Variants in CCAR1 observed in about 807,000 individuals in gnomAD.
The protein encoded by CCAR1 is cell division cycle and apoptosis regulator protein 1.
In CCAR1, 78 loss-of-function variants were observed where a neutral mutation model predicts 163.8. The observed-to-expected ratio is 0.48, with a 90% CI of 0.40 to 0.57. The LOEUF is 0.57. CCAR1 is among the 20% of genes least tolerant of loss of function. The pLI, the probability that CCAR1 is intolerant of heterozygous loss-of-function variation, is 0.00. For synonymous variants in CCAR1, 443 were observed against 460.7 expected, an observed-to-expected ratio of 0.96 and a Z score of 0.49; for missense variants, 1,019 against 1,365.2, an observed-to-expected ratio of 0.75 and a Z score of 4.00.
intron 6 of CCAR1, among the ~76,000 whole-genome samples, chr10:68,746,777 C>T (rs1335548440): frequency 6.6e-6 from 1 of 151,966 alleles, no homozygotes; most frequent in African/African-American, 2.4e-5. Flanking sequence ...AGGGTTTCAC[C>T]ATGTTGACCA....
intron 23 of CCAR1, 92 bp from the exon 24 acceptor site, chr10:68,789,618 C>CT: frequency 1.3e-6 from 1 of 745,306 alleles, no homozygotes; most frequent in South Asian, 2.0e-5. Flanking sequence ...ATTCTATCAG[C>CT]TTTTTATTTT....
At position 68,747,638 on chromosome 10, in the gene CCAR1, C is replaced by A; in HGVS notation, c.826+72C>A. 7 of 1,350,492 alleles carry A rather than the reference C, an allele frequency of 5.2e-6. No individual in the cohort carries two copies. The Admixed American group carries it at 1.1e-4, about 21-fold the overall frequency. The allele number at this position is 1,350,492 out of a possible 1,614,324, so 83.7% of individuals were successfully genotyped here. A position where few individuals can be genotyped will look rare whatever the true frequency, so the allele number is the denominator to read the frequency against. On this transcript the variant is annotated intron_variant, in intron 8 of 24. Transcript: ENST00000265872. ...GATAATGTAACTATGCTTTTAATTA[C>A]AAAAAAAGGCAGGGATTTCAAGAAA...
At chr10:68,723,386 C>T (rs1204986116) in intron 2 of CCAR1, among the ~76,000 whole-genome samples, 3 of 150,988 alleles carry the variant, frequency 2.0e-5, no homozygotes, top group Non-Finnish European at 2.9e-5. Context: ...GCCTCGGCCT[C>T]CCGAAGTGCT....
At position 68,786,578 on chromosome 10, in the gene CCAR1, C is replaced by T; in HGVS notation, c.2766C>T (p.Asn922=). 6.3e-7 allele frequency: 1 copy of T among 1,592,720 alleles called. No individual in the cohort carries two copies. The highest frequency in any genetic ancestry group is 8.5e-7 in the Non-Finnish European group (1 of 1,171,342). Residue 922 remains asparagine (N), a synonymous_variant, in exon 21 of 25, where the codon AAC becomes AAT. Coordinates refer to ENST00000265872, the MANE Select transcript of CCAR1 (RefSeq NM_018237.4). ...EKEKTQMITI[N]RDLLMAFVYF... ...AAAAGACTCAAATGATCACAATTAA[C>T]AGAGATCTGTTAATGGCTTTTGTTT...
chr10:68,761,932 CTTA>C (rs1314840272), intron 16 of CCAR1, among the ~76,000 whole-genome samples: 5 of 152,200 alleles, frequency 3.3e-5, no homozygotes, highest in Admixed American at 2.6e-4. Flanking sequence ...GTGCAATTTA[CTTA>C]TTATAAAATT....
chr10:68,760,992 G>C lies in CCAR1; in HGVS notation c.1921-15G>C. 1 of 965,038 alleles carries C rather than the reference G, an allele frequency of 1.0e-6. No individual in the cohort carries two copies. Among genetic ancestry groups the C allele is most frequent in the Admixed American group, 4.3e-5 (1 of 23,516 alleles). The allele number at this position is 965,038 out of a possible 1,614,324, so 59.8% of individuals were successfully genotyped here. A position where few individuals can be genotyped will look rare whatever the true frequency, so the allele number is the denominator to read the frequency against. ...ACCTTTTTTTTTTCCGTGTTTTTCT[G>C]CTCCATATATTCAGGTAAATGACCT... On this transcript the variant is annotated splice_polypyrimidine_tract_variant and intron_variant, in intron 15 of 24. Transcript: ENST00000265872.
intron 19 of CCAR1, among the ~76,000 whole-genome samples, chr10:68,780,348 C>A (rs1337736134): frequency 6.6e-6 from 1 of 152,120 alleles, no homozygotes; most frequent in Admixed American, 6.6e-5. Context: ...GTGTGCACCA[C>A]CACACCTGGC....
At chr10:68,780,069 T>C (rs192087374) in intron 19 of CCAR1, among the ~76,000 whole-genome samples, 35 of 152,326 alleles carry the variant, frequency 2.3e-4, no homozygotes, top group African/African-American at 7.7e-4. Flanking sequence ...ATTTCAAAAA[T>C]ACAAGTTTCG....
At chr10:68,754,875 G>A in intron 12 of CCAR1, 48 bp downstream of exon 12, 13 of 1,028,430 alleles carry the variant, frequency 1.3e-5, no homozygotes, top group Non-Finnish European at 2.0e-5. Flanking sequence ...ACTTTGCTTA[G>A]CTGTAACTTT....
chr10:68,732,212 C>G (rs2056049024), intron 2 of CCAR1, among the ~76,000 whole-genome samples: 2 of 152,070 alleles, frequency 1.3e-5, no homozygotes, highest in African/African-American at 4.8e-5. Context: ...ATGTCAAATG[C>G]AGAACATGCC....
At chr10:68,784,144 A>G (rs1478334976) in intron 19 of CCAR1, among the ~76,000 whole-genome samples, 5 of 152,182 alleles carry the variant, frequency 3.3e-5, no homozygotes, top group African/African-American at 4.8e-5. Context: ...CATTGTTGAA[A>G]TAACAAAGGA....
At chr10:68,787,770 G>A in intron 21 of CCAR1, 157 bp from the exon 22 acceptor site, 1 of 584,084 alleles carries the variant, frequency 1.7e-6, no homozygotes, top group South Asian at 2.4e-5. Flanking sequence ...GGGAAGTGGA[G>A]GTTGTAGTGA....
chr10:68,736,440 G>A (rs1479553986), intron 2 of CCAR1, among the ~76,000 whole-genome samples: 2 of 152,036 alleles, frequency 1.3e-5, no homozygotes, highest in East Asian at 3.9e-4. Flanking sequence ...TGGGTATCTT[G>A]AACATTCCTC....
intron 1 of CCAR1, among the ~76,000 whole-genome samples, chr10:68,721,979 A>T (rs1449774208): frequency 6.6e-6 from 1 of 152,024 alleles, no homozygotes; most frequent in African/African-American, 2.4e-5. Flanking sequence ...TGGAAAGTAG[A>T]GATGTTCGTT....
At chr10:68,736,012 C>T (rs1017264311) in intron 2 of CCAR1, among the ~76,000 whole-genome samples, 3 of 151,920 alleles carry the variant, frequency 2.0e-5, no homozygotes, top group Admixed American at 1.3e-4. Flanking sequence ...GTCACCATGC[C>T]CAGTTAATTT....
chr10:68,763,135 T>C (rs1379388840), intron 16 of CCAR1, among the ~76,000 whole-genome samples: 1 of 152,046 alleles, frequency 6.6e-6, no homozygotes, highest in Non-Finnish European at 1.5e-5. Flanking sequence ...GTATTTTATT[T>C]TTTAACTTTA....
At chr10:68,750,216 T>TTTTTC (rs2056313940) in intron 10 of CCAR1, among the ~76,000 whole-genome samples, 1 of 6,472 alleles carries the variant, frequency 1.5e-4, no homozygotes, top group African/African-American at 8.7e-4. Flanking sequence ...TCTTTTTTCT[T>TTTTTC]TTTTTTTTTT....
At chr10:68,736,721 T>C (rs535275816) in intron 2 of CCAR1, among the ~76,000 whole-genome samples, 155 bp from the exon 3 acceptor site, 30 of 152,352 alleles carry the variant, frequency 2.0e-4, no homozygotes, top group Admixed American at 1.4e-3. Flanking sequence ...CAGTTGTTCA[T>C]TGATGGACAC....
chr10:68,771,261 G>A lies in CCAR1; in HGVS notation c.2354G>A (p.Arg785His), dbSNP rs984528553. Residue 785 changes from arginine (R) to histidine (H), a missense_variant, in exon 18 of 25, where the codon CGT becomes CAT. By Grantham distance (29) the Arg-to-His change is conservative (BLOSUM62 0). Coordinates refer to ENST00000265872, the MANE Select transcript of CCAR1 (RefSeq NM_018237.4). ...NEMLQRDFGV[R>H]IYKSLLSLPE... ...ATGCTTCAAAGAGATTTTGGTGTCC[G>A]TATATACAAATCATTACTGTCTCTT... The A allele has an allele frequency of 2.4e-5, 38 of 1,602,636 alleles. No homozygotes were observed. The highest frequency in any genetic ancestry group is 2.8e-5 in the Non-Finnish European group (33 of 1,175,730).
Sources: gnomAD v4.1 joint callset for allele counts (sites outside exome capture counted in the v4.1 genomes callset) on GRCh38, gnomAD v4.1.1 for gene constraint, MANE v1.5 for transcripts, NCBI Gene and HGNC (gene_info 2026-07-23, HGNC 2026-07-21) for gene names.